ANK1: variants seen among roughly 807,000 people sequenced by gnomAD.
ANK1 encodes the protein ankyrin 1, also known as ankyrin-1.
Under a neutral mutation model 210.4 loss-of-function variants are expected in ANK1, and 51 were observed. That is an observed-to-expected ratio of 0.24 (90% CI 0.19 to 0.31). The LOEUF (loss-of-function observed/expected upper bound fraction) is 0.31, where lower values mean the gene tolerates loss of function less well. ANK1 is among the 10% of genes least tolerant of loss of function. The probability of loss-of-function intolerance (pLI) is 1.00; values close to 1 mark genes in which losing one functional copy is unlikely to be tolerated. For missense variants in ANK1, 2,051 were observed against 2,504.4 expected, an observed-to-expected ratio of 0.82 and a Z score of 3.86; for synonymous variants, 967 against 1,025.9, an observed-to-expected ratio of 0.94 and a Z score of 1.10.
chr8:41,680,587 A>G (rs1218312035), intron 37 of ANK1, among the ~76,000 whole-genome samples: 1 of 148,274 alleles, frequency 6.7e-6, no homozygotes, highest in African/African-American at 2.5e-5. Context: ...AAAAAAAAGT[A>G]TGGATACAGA....
chr8:41,885,520 C>T (rs529855586), intron 1 of ANK1, among the ~76,000 whole-genome samples: 16 of 152,304 alleles, frequency 1.1e-4, no homozygotes, highest in East Asian at 3.9e-4. Context: ...TCCATGTCGG[C>T]GGACAGGCCC....
chr8:41,864,598 C>T (rs548069357), intron 1 of ANK1, among the ~76,000 whole-genome samples: 1 of 152,308 alleles, frequency 6.6e-6, no homozygotes, highest in South Asian at 2.1e-4. Context: ...CAGCAAACCA[C>T]AGCTGCTTCT....
chr8:41,827,203 A>G (rs1418401123), intron 1 of ANK1, among the ~76,000 whole-genome samples: 2 of 152,224 alleles, frequency 1.3e-5, no homozygotes, highest in East Asian at 1.9e-4. Context: ...AAAAGTGAAA[A>G]TTCTCAGACA....
At chr8:41,824,597 AG>A (rs927612257) in intron 1 of ANK1, among the ~76,000 whole-genome samples, 28 of 152,160 alleles carry the variant, frequency 1.8e-4, no homozygotes, top group African/African-American at 6.5e-4. Context: ...TTCAAGGGAC[AG>A]GGGGGCATTC....
chr8:41,703,450 A>ATATATATATATATTTTTTTTTT (rs59985416), intron 20 of ANK1, among the ~76,000 whole-genome samples: 1 of 58,826 alleles, frequency 1.7e-5, no homozygotes, highest in African/African-American at 9.0e-5. Flanking sequence ...ATATATATAT[A>ATATATATATATATTTTTTTTTT]TTTTTTTTTT....
chr8:41,760,291 G>A (rs1326478263), intron 1 of ANK1, among the ~76,000 whole-genome samples: 1 of 152,134 alleles, frequency 6.6e-6, no homozygotes, highest in Non-Finnish European at 1.5e-5. Flanking sequence ...ATGGGGGCTG[G>A]TTTTTCCCAT....
chr8:41,717,349 T>G (rs1827973738), intron 12 of ANK1, among the ~76,000 whole-genome samples: 1 of 152,236 alleles, frequency 6.6e-6, no homozygotes, highest in Non-Finnish European at 1.5e-5. Context: ...TTCAAAAATG[T>G]AAATGTATTC....
intron 1 of ANK1, among the ~76,000 whole-genome samples, chr8:41,812,926 T>G (rs75729364): frequency 3.3e-5 from 5 of 152,198 alleles, no homozygotes; most frequent in Non-Finnish European, 7.3e-5. Flanking sequence ...GCTCACTTCC[T>G]GCTGTGCGGC....
rs201395280 is a variant in ANK1, at chr8:41,719,869, A to G, written c.910-11T>C. On this transcript the variant is annotated splice_polypyrimidine_tract_variant and intron_variant, in intron 9 of 42. Transcript: ENST00000289734. ...TGGGGACAGGCCGTTCTGGGTAAAG[A>G]GGAAAACACAAGCAATCACAAAGTC... 1.9e-6 allele frequency: 3 copies of G among 1,614,166 alleles called. No individual in the cohort carries two copies. The highest frequency in any genetic ancestry group is 2.7e-5 in the African/African-American group (2 of 75,046).
rs1389661841 is a variant in ANK1 at position 41,716,956 on chromosome 8, G to A, written c.1401C>T (p.Ala467=). Reference sequence around the variant, plus strand: ...CCTTCCTGCCTTCACTACTCACCTTGGCCTTGGCATTGACTTTGGCTTTGT... The same window carrying A: ...CCTTCCTGCCTTCACTACTCACCTTAGCCTTGGCATTGACTTTGGCTTTGT... ...LQNKAKVNAK[A]KDDQTPLHCA... is the part of the protein sequence containing the mutation. Residue 467 remains alanine (A), a synonymous_variant, in exon 13 of 43, where the codon GCC becomes GCT. Transcript: ENST00000289734. 6.2e-7 allele frequency: 1 copy of A among 1,613,970 alleles called. No individual in the cohort carries two copies. The highest frequency in any genetic ancestry group is 1.7e-5 in the Admixed American group (1 of 60,028).
chr8:41,764,275 A>T (rs569121750), intron 1 of ANK1, among the ~76,000 whole-genome samples: 2 of 152,250 alleles, frequency 1.3e-5, no homozygotes, highest in South Asian at 4.1e-4. Flanking sequence ...TATGAGACTC[A>T]TCTTTACCAT....
chr8:41,773,655 C>T (rs953907990), intron 1 of ANK1, among the ~76,000 whole-genome samples: 2 of 152,140 alleles, frequency 1.3e-5, no homozygotes, highest in African/African-American at 4.8e-5. Context: ...TGTGAAAACT[C>T]CATGTGCTTT....
chr8:41,855,811 G>A (rs1007427041), intron 1 of ANK1, among the ~76,000 whole-genome samples: 1 of 152,048 alleles, frequency 6.6e-6, no homozygotes, highest in Non-Finnish European at 1.5e-5. Flanking sequence ...CTCAGAACCT[G>A]CCCTTGCCAA....
Position 41,752,972 on chromosome 8 carries a change from A to G in ANK1, c.129+5064T>C, listed in dbSNP as rs192052279. 3.6e-3 allele frequency among the ~76,000 whole-genome samples: 552 copies of G among 151,908 alleles called. 5 individuals are homozygous for G. Among genetic ancestry groups the G allele is most frequent in the African/African-American group, 0.012 (514 of 41,444 alleles). Reference sequence around the variant, plus strand: ...CATGTGGCTTCTACAAGGGGGGGATATTCAACCAGGACACAGCAGTACAGC... The same window carrying G: ...CATGTGGCTTCTACAAGGGGGGGATGTTCAACCAGGACACAGCAGTACAGC... On this transcript the variant is annotated intron_variant, in intron 2 of 42. Transcript: ENST00000289734.
At chr8:41,738,343 C>T (rs907631166) in intron 2 of ANK1, among the ~76,000 whole-genome samples, 7 of 152,188 alleles carry the variant, frequency 4.6e-5, no homozygotes, top group Non-Finnish European at 7.3e-5. Context: ...AGCAATTGGT[C>T]TTAGTACGTA....
chr8:41,824,610 A>G lies in ANK1; in HGVS notation c.127-66473T>C, dbSNP rs140533171. ...GATTCAAGGGACAGGGGGGCATTCTATTCTGCATAAAGATGGGTCACGAAT... is the reference window on the plus strand; with the variant it reads ...GATTCAAGGGACAGGGGGGCATTCTGTTCTGCATAAAGATGGGTCACGAAT... On this transcript the variant is annotated intron_variant, in intron 1 of 42. Coordinates refer to the ANK1 transcript ENST00000265709. Among the ~76,000 whole-genome samples, 246 of 152,290 alleles carry G rather than the reference A, an allele frequency of 1.6e-3. 1 individual carries two copies. Among genetic ancestry groups the G allele is most frequent in the Middle Eastern group, 6.8e-3 (2 of 294 alleles).
intron 29 of ANK1, among the ~76,000 whole-genome samples, 193 bp downstream of exon 29, chr8:41,693,705 G>A (rs764185342): frequency 2.9e-4 from 44 of 152,150 alleles, no homozygotes; most frequent in African/African-American, 8.0e-4. Context: ...GATTACAGGC[G>A]TGAGTCACCA....
chr8:41,672,545 G>C lies in ANK1; in HGVS notation c.4905C>G (p.Ile1635Met). ...GACCTTCCTCCTGTTCAAGCAAATC[G>C]ATAAGGCCATTTGTGGCATCTGAAT... ...TVDSDATNGL[I>M]DLLEQEEGQR... The change falls in exon 38 of 43, where the codon ATC becomes ATG. Residue 1635 changes from isoleucine (I) to methionine (M), a missense_variant. By Grantham distance (10) the Ile-to-Met change is conservative. Transcript: ENST00000289734. 2 of 1,614,160 alleles carry C rather than the reference G, an allele frequency of 1.2e-6. No homozygotes were observed. The highest frequency in any genetic ancestry group is 1.7e-6 in the Non-Finnish European group (2 of 1,180,038).
At chr8:41,683,852 G>C (rs1816873006) in intron 37 of ANK1, among the ~76,000 whole-genome samples, 1 of 152,196 alleles carries the variant, frequency 6.6e-6, no homozygotes, top group South Asian at 2.1e-4. Flanking sequence ...GCAGGGGCTT[G>C]GGGGCAGAGG....
Sources: allele counts gnomAD v4.1 joint callset (sites outside exome capture counted in the v4.1 genomes callset), GRCh38; gene constraint gnomAD v4.1.1; transcripts MANE v1.5; gene names NCBI Gene and HGNC (gene_info 2026-07-23, HGNC 2026-07-21).